The following CCDC92 variants were observed in gnomAD, a reference collection of about 807,000 sequenced individuals.
The protein encoded by CCDC92 is coiled-coil domain containing 92, also known as coiled-coil domain-containing protein 92.
A neutral mutation model predicts 24.9 loss-of-function variants in CCDC92; 12 were observed. That is an observed-to-expected ratio of 0.48 (90% confidence interval 0.31 to 0.78). The LOEUF is 0.78. Ranked by LOEUF, CCDC92 falls within the 30% of genes least tolerant of loss-of-function variation. CCDC92 has a pLI of 0.05. For missense variants in CCDC92, 399 were observed against 439.4 expected (o/e 0.91, Z 0.82); for synonymous variants, 193 against 196.3 (o/e 0.98, Z 0.14).
intron 1 of CCDC92, among the ~76,000 whole-genome samples, chr12:123,957,889 T>C (rs562550938): frequency 6.6e-6 from 1 of 151,610 alleles, no homozygotes; most frequent in Non-Finnish European, 1.5e-5. Flanking sequence ...GTATTTTTAG[T>C]AGACACGGAG....
intron 1 of CCDC92, among the ~76,000 whole-genome samples, chr12:123,955,329 T>C (rs1275094476): frequency 6.6e-6 from 1 of 152,244 alleles, no homozygotes; most frequent in Non-Finnish European, 1.5e-5. Flanking sequence ...CCACCTCAGA[T>C]TGAGATTACT....
At chr12:123,940,602 C>T (rs11057400) in intron 4 of CCDC92, among the ~76,000 whole-genome samples, 45,944 of 152,100 alleles carry the variant, frequency 0.3, 7,082 homozygotes, top group Middle Eastern at 0.34. Context: ...AAGCTCCACT[C>T]CACCTCCTCC....
intron 1 of CCDC92, among the ~76,000 whole-genome samples, chr12:123,965,050 T>C (rs1335420394): frequency 6.6e-6 from 1 of 152,218 alleles, no homozygotes; most frequent in Admixed American, 6.5e-5. Flanking sequence ...TGCTGGGTCT[T>C]TTTTTGAATA....
At chr12:123,954,417 G>A (rs1333766018) in intron 1 of CCDC92, among the ~76,000 whole-genome samples, 1 of 152,178 alleles carries the variant, frequency 6.6e-6, no homozygotes, top group Non-Finnish European at 1.5e-5. Flanking sequence ...CCTTCTGAAA[G>A]AACGTGCAGC....
At chr12:123,941,051 A>T (rs1308466860) in intron 4 of CCDC92, among the ~76,000 whole-genome samples, 3 of 152,184 alleles carry the variant, frequency 2.0e-5, no homozygotes, top group Non-Finnish European at 4.4e-5. Flanking sequence ...TTGGGACCTC[A>T]GGTTGAGAAC....
At chr12:123,962,356 T>G (rs1956290458) in intron 1 of CCDC92, among the ~76,000 whole-genome samples, 1 of 152,256 alleles carries the variant, frequency 6.6e-6, no homozygotes, top group Non-Finnish European at 1.5e-5. Flanking sequence ...CTTTATAGAT[T>G]GTTGCTGAAT....
At chr12:123,971,382 A>T (rs1322469495) in intron 1 of CCDC92, 1 of 151,908 alleles carries the variant, frequency 6.6e-6, no homozygotes, top group Non-Finnish European at 1.5e-5. Context: ...TTTCCTTACA[A>T]TGCAATAGCG....
rs1256738573 is a variant in CCDC92 at position 123,937,220 on chromosome 12, G to A, written c.834C>T (p.Ser278=). The change falls in exon 5 of 5, where the codon AGC becomes AGT. Residue 278 remains serine, a synonymous_variant. Transcript: ENST00000238156. The surrounding 1 kb of genome is among the most constrained non-coding windows in gnomAD (Gnocchi z 8.4). ...IASDRSGEQH[S]PAREKPHKAH... ...CCTTGTGCGGCTTTTCGCGGGCCGG[G>A]CTGTGCTGCTCGCCGCTTCGGTCGG... 6.2e-7 allele frequency: 1 copy of A among 1,609,960 alleles called. No individual in the cohort carries two copies. The highest frequency in any genetic ancestry group is 8.5e-7 in the Non-Finnish European group (1 of 1,179,576).
At chr12:123,971,578 T>G (rs527978342) in intron 1 of CCDC92, 1 of 152,238 alleles carries the variant, frequency 6.6e-6, no homozygotes, top group East Asian at 1.9e-4. Flanking sequence ...TAGCTTGCAT[T>G]TTGTTATAAA....
intron 1 of CCDC92, among the ~76,000 whole-genome samples, chr12:123,964,743 A>G (rs61953574): frequency 0.019 from 2,968 of 152,370 alleles, 53 homozygotes; most frequent in Non-Finnish European, 0.031. Context: ...GTAATTTAAG[A>G]AACTAGTATC....
At chr12:123,943,615 T>A (rs4930725) in intron 2 of CCDC92, 122 bp from the exon 3 acceptor site, 329,075 of 1,041,422 alleles carry the variant, frequency 0.32, 54,865 homozygotes, top group African/African-American at 0.4. Flanking sequence ...AAACCACGGC[T>A]CCTGAAGGGC....
At chr12:123,965,672 C>A (rs1874053262) in intron 1 of CCDC92, among the ~76,000 whole-genome samples, 1 of 152,204 alleles carries the variant, frequency 6.6e-6, no homozygotes, top group African/African-American at 2.4e-5. Context: ...AGATCAGGCC[C>A]CACATCGTAG....
At chr12:123,969,868 C>T (rs563389428) in intron 1 of CCDC92, 2 of 152,168 alleles carry the variant, frequency 1.3e-5, no homozygotes, top group East Asian at 3.9e-4. Context: ...TAAAAAAAGT[C>T]TTTTCTGCTT....
At chr12:123,943,208 G>A in intron 3 of CCDC92, 139 bp downstream of exon 3, 1 of 831,148 alleles carries the variant, frequency 1.2e-6, no homozygotes, top group Non-Finnish European at 1.8e-6. Flanking sequence ...TATGCAATGA[G>A]GATGATATAA....
At chr12:123,963,004 G>A (rs1956309469) in intron 1 of CCDC92, among the ~76,000 whole-genome samples, 1 of 152,218 alleles carries the variant, frequency 6.6e-6, no homozygotes, top group African/African-American at 2.4e-5. Context: ...GTGGTTCTCA[G>A]CTGGGACAGC....
At chr12:123,940,265 C>T (rs1167887171) in intron 4 of CCDC92, among the ~76,000 whole-genome samples, 3 of 152,178 alleles carry the variant, frequency 2.0e-5, no homozygotes, top group Admixed American at 6.5e-5. Context: ...CCACACAGCC[C>T]CTCCGAGTCA....
chr12:123,955,798 T>G (rs574911294), intron 1 of CCDC92, among the ~76,000 whole-genome samples: 2 of 152,304 alleles, frequency 1.3e-5, no homozygotes, highest in East Asian at 3.9e-4. Flanking sequence ...CCACTTTAAT[T>G]TAGCCATATT....
At chr12:123,955,332 AGATTACT>A (rs1349523967) in intron 1 of CCDC92, among the ~76,000 whole-genome samples, 1 of 152,210 alleles carries the variant, frequency 6.6e-6, no homozygotes, top group African/African-American at 2.4e-5. Context: ...CCTCAGATTG[AGATTACT>A]GCCAATTTTA....
At chr12:123,967,351 C>G (rs915109975) in intron 1 of CCDC92, among the ~76,000 whole-genome samples, 1 of 152,174 alleles carries the variant, frequency 6.6e-6, no homozygotes, top group Non-Finnish European at 1.5e-5. Flanking sequence ...ATGTTCTTAT[C>G]TATGGGAACA....
Sources: gnomAD v4.1 joint callset for allele counts (sites outside exome capture counted in the v4.1 genomes callset) on GRCh38, gnomAD v4.1.1 for gene constraint, Gnocchi (gnomAD v3.1) non-coding constraint, MANE v1.5 for transcripts, NCBI Gene and HGNC (gene_info 2026-07-23, HGNC 2026-07-21) for gene names.